BRPF3: variants seen among roughly 807,000 people sequenced by gnomAD.
BRPF3 encodes the protein bromodomain and PHD finger containing 3.
BRPF3 carries 18 observed loss-of-function variants against 102.0 expected under a neutral mutation model. The ratio of observed to expected loss-of-function variants is 0.18; its 90% CI spans 0.12 to 0.26. The LOEUF (loss-of-function observed/expected upper bound fraction) is 0.26, where lower values mean the gene tolerates loss of function less well. Ranked by LOEUF, BRPF3 falls within the 10% of genes least tolerant of loss-of-function variation. BRPF3 has a pLI of 1.00. For missense variants in BRPF3, 1,147 were observed against 1,567.8 expected (o/e 0.73, Z 4.53); for synonymous variants, 570 against 614.2 (o/e 0.93, Z 1.06).
In BRPF3 at chr6:36,225,378, A is replaced by G; in HGVS notation, c.3279+14A>G. ...TACCCTGCCTTGGTGAGTCTGCCCC[A>G]GACGCCACCCTCCTATCTCCCCTGC... On this transcript the variant is annotated intron_variant, in intron 11 of 12. Transcript: ENST00000357641. 1 of 1,605,672 alleles carries G rather than the reference A, an allele frequency of 6.2e-7. No homozygotes were observed. The highest frequency in any genetic ancestry group is 1.1e-5 in the South Asian group (1 of 90,978).
At chr6:36,218,377 T>C (rs1769709216) in intron 9 of BRPF3, among the ~76,000 whole-genome samples, 1 of 152,110 alleles carries the variant, frequency 6.6e-6, no homozygotes, top group African/African-American at 2.4e-5. Flanking sequence ...TTGGTTTTGC[T>C]CTTTGCCTTT....
chr6:36,229,067 G>T lies in BRPF3; in HGVS notation c.3434+11G>T. ...CAACAAGCGCACCTGGTTAGTGGGT[G>T]CTGCTGTGAGGGGGCTGAGGGGCAC... is the stretch of plus-strand genomic sequence containing the variant. On this transcript the variant is annotated intron_variant, in intron 12 of 12. Coordinates refer to ENST00000357641, the MANE Select transcript of BRPF3 (RefSeq NM_015695.3). The T allele has an allele frequency of 6.2e-7, 1 of 1,610,950 alleles. No individual in the cohort carries two copies. The highest frequency in any genetic ancestry group is 8.5e-7 in the Non-Finnish European group (1 of 1,178,738).
chr6:36,210,288 C>A lies in BRPF3; in HGVS notation c.1939C>A (p.Leu647Met). ...STMRRKLESH[L>M]YRTLEEFEED... ...TATGAGGCGGAAGCTGGAGTCCCAC[C>A]TGTACCGCACCTTGGAGGAGTTTGA... is the stretch of plus-strand genomic sequence containing the variant. The change falls in exon 6 of 13, where the codon CTG becomes ATG. Residue 647 changes from leucine (L) to methionine (M), a missense_variant. Around this residue, in one of 11 missense-constraint regions of BRPF3, gnomAD observed 109 missense variants for 175.1 expected, o/e 0.62. Transcript: ENST00000357641. The surrounding 1 kb of genome is among the most constrained non-coding windows in gnomAD (Gnocchi z 4.7). The A allele has an allele frequency of 6.2e-7, 1 of 1,614,244 alleles. No individual in the cohort carries two copies.
chr6:36,222,278 G>A lies in BRPF3; in HGVS notation c.3181+13G>A. 6.5e-7 allele frequency: 1 copy of A among 1,549,210 alleles called. No homozygotes were observed. Among genetic ancestry groups the A allele is most frequent in the Non-Finnish European group, 8.7e-7 (1 of 1,146,516 alleles). On this transcript the variant is annotated intron_variant, in intron 10 of 12. Transcript: ENST00000357641. The stretch of plus-strand genomic sequence containing the variant: ...TACAATGGCTCAGGTGAGGAGCAGT[G>A]TTCAGGCAGAACTGAGGGGGCCAGG...
intron 10 of BRPF3, among the ~76,000 whole-genome samples, chr6:36,223,979 C>G (rs545954725): frequency 2.0e-5 from 3 of 152,158 alleles, no homozygotes; most frequent in Non-Finnish European, 4.4e-5. Context: ...CAGTCTACCT[C>G]TTTGGTATTG....
rs772206240 is a variant in BRPF3, at chr6:36,230,486, C to T, written c.3495C>T (p.Leu1165=). 5.6e-6 allele frequency: 9 copies of T among 1,614,172 alleles called. No individual in the cohort carries two copies. The highest frequency in any genetic ancestry group is 5.5e-5 in the South Asian group (5 of 91,084). The stretch of plus-strand genomic sequence containing the variant: ...GTGTGGAAGACACCGTGGACAAGCT[C>T]AAGATGCTGGAAGGCCGCAAGACCA... ...PLGVEDTVDK[L]KMLEGRKTSI... is the part of the protein sequence containing the mutation. The change falls in exon 13 of 13, where the codon CTC becomes CTT. Residue 1165 remains leucine (L), a synonymous_variant. Coordinates refer to ENST00000357641, the MANE Select transcript of BRPF3 (RefSeq NM_015695.3). This position sits in a 1 kb window ranked among gnomAD's most constrained non-coding sequence, Gnocchi z 5.4.
intron 1 of BRPF3, among the ~76,000 whole-genome samples, chr6:36,198,532 T>C (rs1230984520): frequency 6.6e-6 from 1 of 152,186 alleles, no homozygotes; most frequent in Non-Finnish European, 1.5e-5. Flanking sequence ...TAGCTTTACG[T>C]TGAGTGACAT....
In BRPF3 at chr6:36,230,757, C is replaced by A; in HGVS notation, c.*148C>A. The A allele has an allele frequency of 9.4e-7, 1 of 1,059,354 alleles. No homozygotes were observed. Among genetic ancestry groups the A allele is most frequent in the Non-Finnish European group, 1.3e-6 (1 of 746,772 alleles). 65.6% of individuals were successfully genotyped at this position (1,059,354 alleles called of 1,614,324 possible). A position where few individuals can be genotyped will look rare whatever the true frequency, so the allele number is the denominator to read the frequency against. On this transcript the variant is annotated 3_prime_UTR_variant, in exon 13 of 13. Coordinates refer to ENST00000357641, the MANE Select transcript of BRPF3 (RefSeq NM_015695.3). This position sits in a 1 kb window ranked among gnomAD's most constrained non-coding sequence, Gnocchi z 5.4. The stretch of plus-strand genomic sequence containing the variant: ...GGCTTTCTCCCCACTAAGGGCAAGG[C>A]CCCAGTTTTGACCAATCGCATGGTT...
chr6:36,227,036 C>G (rs1333453558), intron 11 of BRPF3, among the ~76,000 whole-genome samples: 1 of 152,198 alleles, frequency 6.6e-6, no homozygotes, highest in African/African-American at 2.4e-5. Flanking sequence ...TTTAATTACC[C>G]TCTTAATTAT....
intron 3 of BRPF3, among the ~76,000 whole-genome samples, chr6:36,206,658 A>G (rs181127581): frequency 2.6e-5 from 4 of 152,284 alleles, no homozygotes; most frequent in Non-Finnish European, 2.9e-5. Flanking sequence ...TACTTTGCCC[A>G]TCCATGTCTG....
chr6:36,203,715 A>G (rs934380910), intron 2 of BRPF3, among the ~76,000 whole-genome samples: 2 of 152,206 alleles, frequency 1.3e-5, no homozygotes. Flanking sequence ...GAAGAGAAAA[A>G]GGAGAGGAAA....
At chr6:36,223,695 T>C (rs73415509) in intron 10 of BRPF3, among the ~76,000 whole-genome samples, 5,087 of 152,326 alleles carry the variant, frequency 0.033, 143 homozygotes, top group African/African-American at 0.077. Context: ...CAATGCATTA[T>C]AATTTACTTA....
At chr6:36,226,099 A>C (rs1768730932) in intron 11 of BRPF3, among the ~76,000 whole-genome samples, 1 of 152,186 alleles carries the variant, frequency 6.6e-6, no homozygotes, top group South Asian at 2.1e-4. Flanking sequence ...TTGGTCACTT[A>C]CATTGTTTTG....
In BRPF3 at chr6:36,210,350, G is replaced by A. The variant is rs1316009517; in HGVS notation, c.2001G>A (p.Lys667=). 1 of 1,614,258 alleles carries A rather than the reference G, an allele frequency of 6.2e-7. No individual in the cohort carries two copies. Among genetic ancestry groups the A allele is most frequent in the Non-Finnish European group, 8.5e-7 (1 of 1,180,048 alleles). The change falls in exon 6 of 13, where the codon AAG becomes AAA. Residue 667 remains lysine, a synonymous_variant. Transcript: ENST00000357641. This position sits in a 1 kb window ranked among gnomAD's most constrained non-coding sequence, Gnocchi z 4.7. ...DFNLIVTNCM[K]YNAKDTIFHR... ...ACCTTATAGTTACCAACTGCATGAAGTATAATGCTAAAGACACAATTTTCC... is the reference window on the plus strand; with the variant it reads ...ACCTTATAGTTACCAACTGCATGAAATATAATGCTAAAGACACAATTTTCC...
Position 36,200,531 on chromosome 6 carries a change from A to T in BRPF3, c.209A>T (p.Asp70Val). Reference sequence around the variant, plus strand: ...ACTGAAGATGAGCTAACTGCCCAGGATATCACCGAATGCAATAGTAACAAG... The same window carrying T: ...ACTGAAGATGAGCTAACTGCCCAGGTTATCACCGAATGCAATAGTAACAAG... ...IITEDELTAQ[D>V]ITECNSNKEN... Residue 70 changes from aspartate to valine, a missense_variant, in exon 2 of 13, where the codon GAT (aspartate) becomes GTT (valine). Coordinates refer to ENST00000357641, the MANE Select transcript of BRPF3 (RefSeq NM_015695.3). The surrounding 1 kb of genome is among the most constrained non-coding windows in gnomAD (Gnocchi z 5.3). 6.2e-7 allele frequency: 1 copy of T among 1,614,208 alleles called. No individual in the cohort carries two copies. Among genetic ancestry groups the T allele is most frequent in the Non-Finnish European group, 8.5e-7 (1 of 1,180,034 alleles).
rs1373724253 is a variant in BRPF3 at position 36,217,971 on chromosome 6, G to A, written c.3044G>A (p.Ser1015Asn). ...GAAAGCGGGTCTGACTCTGAATGTA[G>A]TTTGGGTCTCAGTGGTGGACTGGCA... ...HTESGSDSEC[S>N]LGLSGGLAFE... Residue 1015 changes from serine (S) to asparagine (N), a missense_variant, in exon 9 of 13, where the codon AGT becomes AAT. This residue lies in a region of BRPF3 where 379 missense variants were observed against 426.3 expected (regional missense o/e 0.89). Transcript: ENST00000357641. 1.2e-6 allele frequency: 2 copies of A among 1,613,834 alleles called. No individual in the cohort carries two copies. The highest frequency in any genetic ancestry group is 3.3e-5 in the Admixed American group (2 of 59,962).
Position 36,214,363 on chromosome 6 carries a change from C to A in BRPF3, c.2966C>A (p.Ser989Tyr), listed in dbSNP as rs150738937. 29 of 1,592,456 alleles carry A rather than the reference C, an allele frequency of 1.8e-5. No homozygotes were observed. Among genetic ancestry groups the A allele is most frequent in the South Asian group, 1.1e-4 (10 of 88,754 alleles). The change falls in exon 8 of 13, where the codon TCC becomes TAC. Residue 989 changes from serine to tyrosine, a missense_variant. Coordinates refer to ENST00000357641, the MANE Select transcript of BRPF3 (RefSeq NM_015695.3). Reference sequence around the variant, plus strand: ...TGTAGTGAGAGCGAAGGGGAGAGGTCCCCCCAGCAGGAGGAAGAGACAGGT... The same window carrying A: ...TGTAGTGAGAGCGAAGGGGAGAGGTACCCCCAGCAGGAGGAAGAGACAGGT... ...RSCSESEGER[S>Y]PQQEEETGMT...
rs749036039 is a variant in BRPF3, at chr6:36,200,703, G to A, written c.381G>A (p.Gln127=). ...PSFRMVDSGI[Q]PEAPPLPAAY... is the part of the protein sequence containing the mutation. ...TCCGTATGGTGGACTCAGGCATCCA[G>A]CCAGAAGCACCCCCGCTGCCTGCTG... Residue 127 remains glutamine, a synonymous_variant, in exon 2 of 13, where the codon CAG becomes CAA. Transcript: ENST00000357641. This position sits in a 1 kb window ranked among gnomAD's most constrained non-coding sequence, Gnocchi z 5.3. The A allele has an allele frequency of 8.1e-6, 13 of 1,614,176 alleles. No homozygotes were observed. The South Asian group carries it at 1.4e-4, about 18-fold the overall frequency.
At position 36,214,138 on chromosome 6, in the gene BRPF3, C is replaced by G. The variant is rs1394521618; in HGVS notation, c.2741C>G (p.Thr914Ser). 6.2e-7 allele frequency: 1 copy of G among 1,614,202 alleles called. No individual in the cohort carries two copies. Among genetic ancestry groups the G allele is most frequent in the South Asian group, 1.1e-5 (1 of 91,086 alleles). Residue 914 changes from threonine (T) to serine (S), a missense_variant, in exon 8 of 13, where the codon ACC (threonine) becomes AGC (serine). This residue lies in a region of BRPF3 where 379 missense variants were observed against 426.3 expected (regional missense o/e 0.89). Coordinates refer to ENST00000357641, the MANE Select transcript of BRPF3 (RefSeq NM_015695.3). The part of the protein sequence containing the change: ...INRLSLMAPD[T>S]PAGTPLSGVG... Reference sequence around the variant, plus strand: ...AGACTATCCCTCATGGCCCCTGACACCCCGGCCGGTACCCCACTTAGTGGT... The same window carrying G: ...AGACTATCCCTCATGGCCCCTGACAGCCCGGCCGGTACCCCACTTAGTGGT...
Sources: allele counts gnomAD v4.1 joint callset (sites outside exome capture counted in the v4.1 genomes callset), GRCh38; gene constraint gnomAD v4.1.1; regional missense constraint gnomAD v4.1.1; non-coding constraint Gnocchi (gnomAD v3.1); transcripts MANE v1.5; gene names NCBI Gene and HGNC (gene_info 2026-07-23, HGNC 2026-07-21).